Variants in PCDH7 observed in about 807,000 individuals in gnomAD.
The protein encoded by PCDH7 is protocadherin 7, also known as protocadherin-7.
A neutral mutation model predicts 58.9 loss-of-function variants in PCDH7; 17 were observed. The ratio of observed to expected loss-of-function variants is 0.29; its 90% CI spans 0.20 to 0.43. The LOEUF is 0.43. PCDH7 is among the 20% of genes least tolerant of loss of function. The pLI is 1.00. For synonymous variants in PCDH7, 664 were observed against 616.4 expected (o/e 1.08, Z -1.14); for missense variants, 1,274 against 1,441.0 (o/e 0.88, Z 1.88).
At chr4:31,089,313 A>G (rs192290198) in intron 3 of PCDH7, among the ~76,000 whole-genome samples, 2 of 152,252 alleles carry the variant, frequency 1.3e-5, no homozygotes, top group Admixed American at 1.3e-4. Flanking sequence ...AAGAATTTGT[A>G]ATAAATACAG....
intron 3 of PCDH7, among the ~76,000 whole-genome samples, chr4:30,997,562 T>C (rs1455237544): frequency 6.6e-6 from 1 of 152,120 alleles, no homozygotes; most frequent in East Asian, 1.9e-4. Context: ...CAAGGCAATT[T>C]CTGTATATAT....
chr4:31,121,717 C>T (rs1387503480), intron 3 of PCDH7, among the ~76,000 whole-genome samples: 1 of 152,096 alleles, frequency 6.6e-6, no homozygotes, highest in Non-Finnish European at 1.5e-5. Context: ...GAAAACGCGT[C>T]TCTCATAAAA....
chr4:30,824,078 C>G (rs1365607709), intron 1 of PCDH7, among the ~76,000 whole-genome samples: 1 of 145,950 alleles, frequency 6.9e-6, no homozygotes, highest in Non-Finnish European at 1.5e-5. Context: ...AGCGGGGTTT[C>G]TTTTCTTTCT....
chr4:30,762,689 T>A (rs1720182977), intron 1 of PCDH7, among the ~76,000 whole-genome samples: 1 of 152,224 alleles, frequency 6.6e-6, no homozygotes, highest in South Asian at 2.1e-4. Flanking sequence ...TCTTCTATTA[T>A]TACTGTCTTG....
At chr4:31,106,389 G>C (rs922060541) in intron 3 of PCDH7, among the ~76,000 whole-genome samples, 26 of 152,180 alleles carry the variant, frequency 1.7e-4, no homozygotes, top group African/African-American at 6.0e-4. Flanking sequence ...TCTTCCTTTA[G>C]TTTCTGTGGT....
At chr4:30,757,498 C>T (rs1001136967) in intron 1 of PCDH7, among the ~76,000 whole-genome samples, 31 of 152,320 alleles carry the variant, frequency 2.0e-4, no homozygotes, top group African/African-American at 7.2e-4. Context: ...AGCCTATTTA[C>T]TATTTGCCCA....
chr4:30,723,456 A>G lies in PCDH7; in HGVS notation c.2034A>G (p.Ile678Met), dbSNP rs774438595. ...GGAATGCAGAGATGAGCCTGTACAT[A>G]GAGGAGAACAATAACATTTTTTCTA... Residue 678 changes from isoleucine (I) to methionine (M), a missense_variant, in exon 1 of 2, where the codon ATA (isoleucine) becomes ATG (methionine). This residue lies in a region of PCDH7 where 731 missense variants were observed against 881.9 expected (regional missense o/e 0.83). Coordinates refer to ENST00000361762, the Ensembl canonical transcript of PCDH7. This position sits in a 1 kb window ranked among gnomAD's most constrained non-coding sequence, Gnocchi z 4.6. 6.2e-7 allele frequency: 1 copy of G among 1,614,166 alleles called. No homozygotes were observed. Among genetic ancestry groups the G allele is most frequent in the Non-Finnish European group, 8.5e-7 (1 of 1,180,012 alleles).
At chr4:31,036,820 ATT>A (rs1755450719) in intron 3 of PCDH7, among the ~76,000 whole-genome samples, 1 of 152,162 alleles carries the variant, frequency 6.6e-6, no homozygotes, top group Non-Finnish European at 1.5e-5. Context: ...GTTTTAATGG[ATT>A]CACAGTTCCA....
intron 3 of PCDH7, among the ~76,000 whole-genome samples, chr4:31,140,827 A>G (rs894551675): frequency 1.3e-5 from 2 of 152,162 alleles, no homozygotes; most frequent in African/African-American, 2.4e-5. Context: ...TGATGAAAAA[A>G]TTAAGAGAAT....
At chr4:30,793,764 T>G (rs890350556) in intron 1 of PCDH7, among the ~76,000 whole-genome samples, 3 of 152,208 alleles carry the variant, frequency 2.0e-5, no homozygotes, top group Non-Finnish European at 4.4e-5. Flanking sequence ...CATTTTTAAT[T>G]CCAAATGACC....
chr4:30,924,213 G>C (rs1014497607), intron 2 of PCDH7, among the ~76,000 whole-genome samples: 8 of 152,126 alleles, frequency 5.3e-5, no homozygotes, highest in Admixed American at 2.6e-4. Flanking sequence ...CCTTTGCTAT[G>C]TAAGTCTTTA....
chr4:31,051,193 C>A (rs1287309676), intron 3 of PCDH7, among the ~76,000 whole-genome samples: 1 of 152,072 alleles, frequency 6.6e-6, no homozygotes, highest in Non-Finnish European at 1.5e-5. Context: ...TCATCACAGC[C>A]CCACCTTACA....
At chr4:31,028,414 G>A (rs540491805) in intron 3 of PCDH7, among the ~76,000 whole-genome samples, 11 of 152,196 alleles carry the variant, frequency 7.2e-5, no homozygotes, top group East Asian at 1.9e-4. Flanking sequence ...ACTTTGGGCC[G>A]CTGAGGTAGT....
At chr4:30,763,197 G>C (rs1006477711) in intron 1 of PCDH7, among the ~76,000 whole-genome samples, 7 of 152,112 alleles carry the variant, frequency 4.6e-5, no homozygotes, top group African/African-American at 1.7e-4. Flanking sequence ...ACTCCGGCCT[G>C]GGGACAAGAG....
At chr4:30,811,395 A>AT (rs1229349220) in intron 1 of PCDH7, among the ~76,000 whole-genome samples, 2 of 152,220 alleles carry the variant, frequency 1.3e-5, no homozygotes, top group African/African-American at 4.8e-5. Flanking sequence ...TCAATTACCT[A>AT]TAAAAAAAAG....
At chr4:30,952,793 G>A (rs116231950) in intron 3 of PCDH7, among the ~76,000 whole-genome samples, 1,695 of 152,044 alleles carry the variant, frequency 0.011, 26 homozygotes, top group African/African-American at 0.035. Flanking sequence ...AGCAAGATAC[G>A]GGCTTATGCA....
At chr4:31,055,969 G>C (rs1337854574) in intron 3 of PCDH7, among the ~76,000 whole-genome samples, 1 of 152,142 alleles carries the variant, frequency 6.6e-6, no homozygotes, top group Non-Finnish European at 1.5e-5. Flanking sequence ...ATAAATTATT[G>C]CCCAGGCATT....
At chr4:31,088,585 T>A (rs1712790419) in intron 3 of PCDH7, among the ~76,000 whole-genome samples, 1 of 152,046 alleles carries the variant, frequency 6.6e-6, no homozygotes, top group Admixed American at 6.6e-5. Context: ...CAACTACCAC[T>A]GGTAAAACAT....
chr4:30,764,974 C>T lies in PCDH7; in HGVS notation c.70+40378C>T, dbSNP rs577327414. On this transcript the variant is annotated intron_variant, in intron 1 of 3. Coordinates refer to the PCDH7 transcript ENST00000509759. ...GACGTCGTGATCTGCCCACCTTGGC[C>T]TCCCAAAGTGCTGGGATTACAGACG... Among the ~76,000 whole-genome samples the T allele has an allele frequency of 1.2e-4, 18 of 152,104 alleles. No individual in the cohort carries two copies. The East Asian group carries it at 3.3e-3, about 28-fold the overall frequency.
Sources: gnomAD v4.1 joint callset for allele counts (sites outside exome capture counted in the v4.1 genomes callset) on GRCh38, gnomAD v4.1.1 for gene constraint, gnomAD v4.1.1 regional missense constraint, Gnocchi (gnomAD v3.1) non-coding constraint, MANE v1.5 for transcripts, NCBI Gene and HGNC (gene_info 2026-07-23, HGNC 2026-07-21) for gene names.